The following MAD2L1 variants were observed in gnomAD, a reference collection of about 807,000 sequenced individuals.
The protein encoded by MAD2L1 is mitotic arrest deficient 2 like 1, also known as mitotic spindle assembly checkpoint protein MAD2A.
In MAD2L1, 10 loss-of-function variants were observed where a neutral mutation model predicts 25.9. The observed-to-expected ratio is 0.39, with a 90% CI of 0.24 to 0.66. The LOEUF is 0.66. Among genes scored for constraint, MAD2L1 ranks in the 30% least tolerant of loss-of-function variants. The pLI is 0.49. For synonymous variants in MAD2L1, 81 were observed against 91.8 expected (o/e 0.88, Z 0.67); for missense variants, 180 against 246.4 (o/e 0.73, Z 1.80).
rs1726183512 is a variant in MAD2L1, at chr4:120,060,012, C to T, written c.*106G>A. On this transcript the variant is annotated 3_prime_UTR_variant, in exon 5 of 5. Coordinates refer to ENST00000296509, the MANE Select transcript of MAD2L1 (RefSeq NM_002358.4). ...CAGTAAGTATCATTTTGGTTTTCTC[C>T]ATGTAAAAATTAACCAATGAAATAA... The T allele has an allele frequency of 8.8e-6, 9 of 1,024,192 alleles. No homozygotes were observed. Among genetic ancestry groups the T allele is most frequent in the Non-Finnish European group, 1.3e-5 (9 of 706,308 alleles). 63.4% of individuals were successfully genotyped at this position (1,024,192 alleles called of 1,614,324 possible). A position where few individuals can be genotyped will look rare whatever the true frequency, so the allele number is the denominator to read the frequency against.
Position 120,062,077 on chromosome 4 carries a change from G to C in MAD2L1, c.239C>G (p.Ser80Ter). The part of the protein sequence containing the change: ...EQLKDWLYKC[S>*]VQKLVVVISN... ...GATAACTACAACCAGTTTCTGAACT[G>C]AACACTTGTATAACCAATCTGCAAC... The change falls in exon 3 of 5, where the codon TCA becomes TGA. Residue 80 changes from serine (S) to a stop codon, truncating the protein, a stop_gained. Transcript: ENST00000296509. LOFTEE classifies it high-confidence loss of function. 6.2e-7 allele frequency: 1 copy of C among 1,610,974 alleles called. No individual in the cohort carries two copies. The highest frequency in any genetic ancestry group is 8.5e-7 in the Non-Finnish European group (1 of 1,178,732).
rs1245654754 is a variant in MAD2L1, at chr4:120,055,996, G to C, written c.*4122C>G. 6.6e-6 allele frequency: 1 copy of C among 152,134 alleles called. No individual in the cohort carries two copies. Among genetic ancestry groups the C allele is most frequent in the Non-Finnish European group, 1.5e-5 (1 of 68,000 alleles). The allele number at this position is 152,134 out of a possible 1,614,324, so 9.4% of individuals were successfully genotyped here. On this transcript the variant is annotated 3_prime_UTR_variant, in exon 5 of 5. Transcript: ENST00000296509. ...AAGCACAGTAAAGGAAAACCAGTTT[G>C]TTCTGAACACTTTATTGCTAAAAGG...
chr4:120,063,599 G>T (rs1289782629), intron 2 of MAD2L1, among the ~76,000 whole-genome samples: 1 of 152,146 alleles, frequency 6.6e-6, no homozygotes, highest in East Asian at 1.9e-4. Flanking sequence ...TTTAAAACTG[G>T]AGAGATGAAA....
chr4:120,065,927 G>T, intron 1 of MAD2L1, 109 bp from the exon 2 acceptor site: 2 of 1,063,386 alleles, frequency 1.9e-6, no homozygotes, highest in East Asian at 2.5e-5. Context: ...AGCTATAAAT[G>T]ACTGAACACA....
Position 120,057,514 on chromosome 4 carries a change from A to C in MAD2L1, c.*2604T>G, listed in dbSNP as rs1287880161. On this transcript the variant is annotated 3_prime_UTR_variant, in exon 5 of 5. Coordinates refer to ENST00000296509, the MANE Select transcript of MAD2L1 (RefSeq NM_002358.4). ...TCTGATTGATGACACTGGGAAAAGG[A>C]TCCTGAAAGCCAGATACAGTTCAGT... 6.6e-6 allele frequency: 1 copy of C among 152,402 alleles called. No individual in the cohort carries two copies. The highest frequency in any genetic ancestry group is 2.4e-5 in the African/African-American group (1 of 41,458). 9.4% of individuals were successfully genotyped at this position (152,402 alleles called of 1,614,324 possible). A position where few individuals can be genotyped will look rare whatever the true frequency, so the allele number is the denominator to read the frequency against.
At chr4:120,065,436 T>G (rs766690910) in intron 2 of MAD2L1, 75 of 397,498 alleles carry the variant, frequency 1.9e-4, no homozygotes, top group Non-Finnish European at 2.8e-4. Flanking sequence ...TCTAAGGGAG[T>G]TGATGAAGAC....
rs1261444497 is a variant in MAD2L1, at chr4:120,059,328, T to C, written c.*790A>G. The C allele has an allele frequency of 6.6e-6, 1 of 152,130 alleles. No homozygotes were observed. The highest frequency in any genetic ancestry group is 1.5e-5 in the Non-Finnish European group (1 of 67,988). 9.4% of individuals were successfully genotyped at this position (152,130 alleles called of 1,614,324 possible). A position where few individuals can be genotyped will look rare whatever the true frequency, so the allele number is the denominator to read the frequency against. On this transcript the variant is annotated 3_prime_UTR_variant, in exon 5 of 5. Transcript: ENST00000296509. ...ACTCACTCAACTTTGGACCCTTAAG[T>C]TCTATAACTTCGTAGGAACAAGAAT... is the stretch of plus-strand genomic sequence containing the variant.
At chr4:120,063,715 T>C (rs1366572702) in intron 2 of MAD2L1, among the ~76,000 whole-genome samples, 1 of 152,048 alleles carries the variant, frequency 6.6e-6, no homozygotes, top group African/African-American at 2.4e-5. Flanking sequence ...AACAAAACAA[T>C]TGGCCAGCAA....
chr4:120,066,615 G>C (rs1456897943), intron 1 of MAD2L1, 47 bp downstream of exon 1: 1 of 1,551,094 alleles, frequency 6.4e-7, no homozygotes, highest in Non-Finnish European at 8.8e-7. Context: ...CTACTGAGCC[G>C]TCACGACTCC....
rs749442266 is a variant in MAD2L1 at position 120,065,701 on chromosome 4, T to A, written c.191A>T (p.Tyr64Phe). The part of the protein sequence containing the change: ...LVTTDLELIK[Y>F]LNNVVEQLKD... Reference sequence around the variant, plus strand: ...CAGTTGTTCCACCACATTATTTAGGTATTTTATGAGCTCAAGATCAGTAGT... The same window carrying A: ...CAGTTGTTCCACCACATTATTTAGGAATTTTATGAGCTCAAGATCAGTAGT... Residue 64 changes from tyrosine (Y) to phenylalanine (F), a missense_variant, in exon 2 of 5, where the codon TAC becomes TTC. Physicochemically the swap from Tyr to Phe is conservative, Grantham distance 22. Transcript: ENST00000296509. The A allele has an allele frequency of 2.5e-6, 4 of 1,613,882 alleles. No individual in the cohort carries two copies. In the South Asian group the frequency reaches 4.4e-5, roughly 18 times the overall value.
At chr4:120,061,354 A>C (rs1049848297) in intron 3 of MAD2L1, among the ~76,000 whole-genome samples, 6 of 152,194 alleles carry the variant, frequency 3.9e-5, no homozygotes, top group African/African-American at 1.4e-4. Context: ...CATTTTTAGT[A>C]ATGCCTAAAT....
In MAD2L1 at chr4:120,066,603, G is replaced by C. The variant is rs1726325593; in HGVS notation, c.73+59C>G. ...TCTGGTATCAGAGGCCGAGCTGTGG[G>C]CCTACTGAGCCGTCACGACTCCGTT... On this transcript the variant is annotated intron_variant, in intron 1 of 4. Transcript: ENST00000296509. The C allele has an allele frequency of 2.7e-6, 4 of 1,467,674 alleles. No individual in the cohort carries two copies. The African/African-American group carries it at 5.6e-5, about 20-fold the overall frequency. The allele number at this position is 1,467,674 out of a possible 1,614,324, so 90.9% of individuals were successfully genotyped here.
intron 1 of MAD2L1, 120 bp from the exon 2 acceptor site, chr4:120,065,938 C>T (rs1726307821): frequency 3.2e-6 from 3 of 937,632 alleles, no homozygotes; most frequent in Non-Finnish European, 4.7e-6. Context: ...ACTGAACACA[C>T]GTGTATCTTG....
chr4:120,060,761 T>C, intron 4 of MAD2L1, 113 bp downstream of exon 4: 1 of 647,364 alleles, frequency 1.5e-6, no homozygotes, highest in Non-Finnish European at 2.6e-6. Context: ...TCCTTCAATT[T>C]ATATTACATA....
At chr4:120,065,560 A>G in intron 2 of MAD2L1, 112 bp downstream of exon 2, 2 of 876,676 alleles carry the variant, frequency 2.3e-6, no homozygotes, top group East Asian at 2.6e-5. Context: ...CTTCCTCTCA[A>G]TTGAAAATAT....
chr4:120,065,509 G>C, intron 2 of MAD2L1, 163 bp downstream of exon 2: 1 of 576,336 alleles, frequency 1.7e-6, no homozygotes, highest in Non-Finnish European at 3.0e-6. Context: ...AATGTAGTGG[G>C]TGGGGGAAGA....
chr4:120,061,068 C>CA (rs1384525866), intron 3 of MAD2L1, 91 bp from the exon 4 acceptor site: 1 of 711,158 alleles, frequency 1.4e-6, no homozygotes, highest in African/African-American at 1.8e-5. Flanking sequence ...TGATTAAATG[C>CA]TCTCAACATC....
At position 120,057,002 on chromosome 4, in the gene MAD2L1, G is replaced by T. The variant is rs907754407; in HGVS notation, c.*3116C>A. ...ACGGTATCAAATGCTCTGAACTAGGGAGGGGTTCAAGTATTTGTGACCAAA... is the reference window on the plus strand; with the variant it reads ...ACGGTATCAAATGCTCTGAACTAGGTAGGGGTTCAAGTATTTGTGACCAAA... On this transcript the variant is annotated 3_prime_UTR_variant, in exon 5 of 5. Transcript: ENST00000296509. The T allele has an allele frequency of 6.0e-4, 92 of 152,178 alleles. No homozygotes were observed. Among genetic ancestry groups the T allele is most frequent in the African/African-American group, 2.1e-3 (88 of 41,448 alleles). 9.4% of individuals were successfully genotyped at this position (152,178 alleles called of 1,614,324 possible). A position where few individuals can be genotyped will look rare whatever the true frequency, so the allele number is the denominator to read the frequency against.
At chr4:120,063,075 T>C (rs1726252638) in intron 2 of MAD2L1, among the ~76,000 whole-genome samples, 1 of 152,176 alleles carries the variant, frequency 6.6e-6, no homozygotes, top group Non-Finnish European at 1.5e-5. Flanking sequence ...AATTAAAGAG[T>C]ATCAGTCTTG....
Sources: allele counts gnomAD v4.1 joint callset (sites outside exome capture counted in the v4.1 genomes callset), GRCh38; gene constraint gnomAD v4.1.1; transcripts MANE v1.5; gene names NCBI Gene and HGNC (gene_info 2026-07-23, HGNC 2026-07-21).